The following BRD1 variants were observed in gnomAD, a reference collection of about 807,000 sequenced individuals.
BRD1 encodes bromodomain-containing protein 1.
Under a neutral mutation model 107.7 loss-of-function variants are expected in BRD1, and 24 were observed. The observed-to-expected ratio is 0.22, with a 90% confidence interval of 0.16 to 0.31. BRD1 has a LOEUF of 0.31. Ranked by LOEUF, BRD1 falls within the 10% of genes least tolerant of loss-of-function variation. The probability of loss-of-function intolerance (pLI) is 1.00; values close to 1 mark genes in which losing one functional copy is unlikely to be tolerated. For synonymous variants in BRD1, 744 were observed against 686.1 expected, an observed-to-expected ratio of 1.08 and a Z score of -1.32; for missense variants, 1,279 against 1,638.6, an observed-to-expected ratio of 0.78 and a Z score of 3.79.
chr22:49,773,737 A>C lies in BRD1; in HGVS notation c.*496T>G, dbSNP rs1343940941. 1 of 152,702 alleles carries C rather than the reference A, an allele frequency of 6.5e-6. No individual in the cohort carries two copies. Among genetic ancestry groups the C allele is most frequent in the African/African-American group, 2.4e-5 (1 of 41,476 alleles). 9.5% of individuals were successfully genotyped at this position (152,702 alleles called of 1,614,324 possible). ...GGACGACGGGAGCGGGGACACACCC[A>C]CCGGCGGTCACGGGCAGCGGAGTGT... On this transcript the variant is annotated 3_prime_UTR_variant, in exon 13 of 13. Coordinates refer to ENST00000404760, the MANE Select transcript of BRD1 (RefSeq NM_001304808.3).
intron 3 of BRD1, 116 bp downstream of exon 3, chr22:49,804,088 C>A: frequency 1.1e-6 from 1 of 903,602 alleles, no homozygotes; most frequent in Admixed American, 3.6e-5. Flanking sequence ...GGAGGCTTCC[C>A]AACGGGGAGC....
At chr22:49,816,722 G>C (rs1039599723) in intron 2 of BRD1, among the ~76,000 whole-genome samples, 6 of 152,228 alleles carry the variant, frequency 3.9e-5, no homozygotes, top group Non-Finnish European at 8.8e-5. Context: ...AACATAGTGA[G>C]ACCCTGTCTC....
chr22:49,801,189 G>A (rs1349656059), intron 3 of BRD1, among the ~76,000 whole-genome samples: 1 of 152,244 alleles, frequency 6.6e-6, no homozygotes, highest in Non-Finnish European at 1.5e-5. Flanking sequence ...GCAGGAGACA[G>A]TGGGACGCCA....
Position 49,774,014 on chromosome 22 carries a change from C to A in BRD1, c.*219G>T, listed in dbSNP as rs994931863. ...GCCAGCAGCACGGCCTGGGGACGTG[C>A]GACAGACGCACTGGGCTGCCCGGAC... On this transcript the variant is annotated 3_prime_UTR_variant, in exon 13 of 13. Coordinates refer to ENST00000404760, the MANE Select transcript of BRD1 (RefSeq NM_001304808.3). The A allele has an allele frequency of 4.1e-6, 2 of 489,602 alleles. No homozygotes were observed. Among genetic ancestry groups the A allele is most frequent in the Admixed American group, 7.8e-5 (2 of 25,630 alleles). 30.3% of individuals were successfully genotyped at this position (489,602 alleles called of 1,614,324 possible).
At chr22:49,821,422 GATTA>G (rs2060063901) in intron 2 of BRD1, among the ~76,000 whole-genome samples, 1 of 152,204 alleles carries the variant, frequency 6.6e-6, no homozygotes, top group South Asian at 2.1e-4. Flanking sequence ...TTCAAAGTCA[GATTA>G]ATTTACAAAG....
rs148277487 is a variant in BRD1 at position 49,797,904 on chromosome 22, G to C, written c.1999C>G (p.Arg667Gly). ...AAGCCGATGCTGTCCACCTCGCGCC[G>C]GGCCTGCCTCAGAACAACACCTCCC... Reference protein sequence around the residue: ...DQGGVVLRQARREVDSIGLEE... With the variant: ...DQGGVVLRQAGREVDSIGLEE... Residue 667 changes from arginine (R) to glycine (G), a missense_variant, in exon 6 of 13, where the codon CGG becomes GGG. This residue lies in a region of BRD1 where 406 missense variants were observed against 519.4 expected (regional missense o/e 0.78). Coordinates refer to ENST00000404760, the MANE Select transcript of BRD1 (RefSeq NM_001304808.3). 1.2e-6 allele frequency: 2 copies of C among 1,613,954 alleles called. No homozygotes were observed. The highest frequency in any genetic ancestry group is 1.3e-5 in the African/African-American group (1 of 74,936).
In BRD1 at chr22:49,823,426, T is replaced by C. The variant is rs1212053790; in HGVS notation, c.892A>G (p.Ile298Val). 1.2e-6 allele frequency: 2 copies of C among 1,612,226 alleles called. No homozygotes were observed. Among genetic ancestry groups the C allele is most frequent in the African/African-American group, 2.7e-5 (2 of 74,910 alleles). Residue 298 changes from isoleucine (I) to valine (V), a missense_variant, in exon 2 of 13, where the codon ATC becomes GTC. By Grantham distance (29) the Ile-to-Val change is conservative. This residue lies in a region of BRD1 where 158 missense variants were observed against 310.2 expected (regional missense o/e 0.51). Transcript: ENST00000404760. ...RWGHVVCALWIPEVGFANTVF... is the reference protein window; with the variant it reads ...RWGHVVCALWVPEVGFANTVF... Reference sequence around the variant, plus strand: ...GTGTTGGCAAAGCCGACCTCTGGGATCCACAGGGCACACACCACGTGACCC... The same window carrying C: ...GTGTTGGCAAAGCCGACCTCTGGGACCCACAGGGCACACACCACGTGACCC...
chr22:49,791,830 C>G (rs1295258999), intron 7 of BRD1, among the ~76,000 whole-genome samples: 1 of 152,198 alleles, frequency 6.6e-6, no homozygotes, highest in Non-Finnish European at 1.5e-5. Context: ...CCCACCTTCC[C>G]ATCAGCTCAC....
intron 2 of BRD1, among the ~76,000 whole-genome samples, chr22:49,822,237 G>A (rs1473748774): frequency 1.3e-5 from 2 of 152,058 alleles, no homozygotes; most frequent in Non-Finnish European, 1.5e-5. Context: ...ACCACCCTGG[G>A]CAACATGGTG....
intron 2 of BRD1, among the ~76,000 whole-genome samples, chr22:49,814,261 G>A (rs73181123): frequency 1.5e-3 from 223 of 152,368 alleles, no homozygotes; most frequent in Non-Finnish European, 2.7e-3. Flanking sequence ...CCGACAAACA[G>A]TGCACAGGCA....
chr22:49,796,225 G>T (rs2059528726), intron 6 of BRD1, among the ~76,000 whole-genome samples: 1 of 152,010 alleles, frequency 6.6e-6, no homozygotes, highest in Non-Finnish European at 1.5e-5. Context: ...CGAGTAGCTA[G>T]GACTACAGGT....
At chr22:49,827,219 A>C (rs1176598196) in intron 1 of BRD1, among the ~76,000 whole-genome samples, 3 of 138,812 alleles carry the variant, frequency 2.2e-5, no homozygotes, top group East Asian at 2.2e-4. Flanking sequence ...GCCTCCCTCG[A>C]CTCCCCGGCC....
intron 1 of BRD1, among the ~76,000 whole-genome samples, chr22:49,825,054 C>T (rs992062129): frequency 6.6e-6 from 1 of 152,288 alleles, no homozygotes; most frequent in Non-Finnish European, 1.5e-5. Flanking sequence ...TCTGCAGAGC[C>T]TTGGCAGTGA....
Position 49,783,553 on chromosome 22 carries a change from C to G in BRD1, c.2857+3837G>C, listed in dbSNP as rs1225574283. 1.3e-5 allele frequency among the ~76,000 whole-genome samples: 2 copies of G among 152,248 alleles called. No individual in the cohort carries two copies. The highest frequency in any genetic ancestry group is 2.9e-5 in the Non-Finnish European group (2 of 68,048). On this transcript the variant is annotated intron_variant, in intron 8 of 12. Transcript: ENST00000404760. This position sits in a 1 kb window ranked among gnomAD's most constrained non-coding sequence, Gnocchi z 4.2. ...TCACTATGGGACGGCTCCGCACATG[C>G]TCAGGACAGCCTCAGAATGCTGTCC...
At chr22:49,791,870 T>C (rs148861355) in intron 7 of BRD1, among the ~76,000 whole-genome samples, 1 of 152,310 alleles carries the variant, frequency 6.6e-6, no homozygotes, top group Admixed American at 6.5e-5. Context: ...AATTGAGTCA[T>C]TGTGAACATT....
chr22:49,780,113 C>T (rs2146957893), intron 8 of BRD1, among the ~76,000 whole-genome samples: 1 of 152,274 alleles, frequency 6.6e-6, no homozygotes, highest in Non-Finnish European at 1.5e-5. Flanking sequence ...GTGCGGCCTT[C>T]ACAAGACTGC....
chr22:49,822,546 T>C (rs1013820665), intron 2 of BRD1, among the ~76,000 whole-genome samples: 1 of 149,516 alleles, frequency 6.7e-6, no homozygotes, highest in African/African-American at 2.5e-5. Flanking sequence ...CGTCTCTACT[T>C]AAAAAATACA....
At chr22:49,794,362 C>T in intron 6 of BRD1, 68 bp from the exon 7 acceptor site, 1 of 1,534,430 alleles carries the variant, frequency 6.5e-7, no homozygotes, top group Non-Finnish European at 8.7e-7. Context: ...ATCACCGGTC[C>T]CGTCTTTCAA....
rs148324843 is a variant in BRD1, at chr22:49,777,026, C to A, written c.3121+8G>T. On this transcript the variant is annotated splice_region_variant and intron_variant, in intron 10 of 12. Transcript: ENST00000404760. Reference sequence around the variant, plus strand: ...GGAGAGCCATGGAGGCAGGTCCGGGCGACTCACCGGCTGCGATCCTGGCCG... The same window carrying A: ...GGAGAGCCATGGAGGCAGGTCCGGGAGACTCACCGGCTGCGATCCTGGCCG... 6.2e-7 allele frequency: 1 copy of A among 1,612,750 alleles called. No individual in the cohort carries two copies. Among genetic ancestry groups the A allele is most frequent in the Non-Finnish European group, 8.5e-7 (1 of 1,179,962 alleles).
Sources: allele counts gnomAD v4.1 joint callset (sites outside exome capture counted in the v4.1 genomes callset), GRCh38; gene constraint gnomAD v4.1.1; regional missense constraint gnomAD v4.1.1; non-coding constraint Gnocchi (gnomAD v3.1); transcripts MANE v1.5; gene names NCBI Gene and HGNC (gene_info 2026-07-23, HGNC 2026-07-21).